The following KCNMB2 variants were observed in gnomAD, a reference collection of about 807,000 sequenced individuals.
KCNMB2 encodes calcium-activated potassium channel subunit beta-2.
Under a neutral mutation model 24.5 loss-of-function variants are expected in KCNMB2, and 9 were observed. That is an observed-to-expected ratio of 0.37 (90% CI 0.22 to 0.64). The LOEUF is 0.64. Ranked by LOEUF, KCNMB2 falls within the 30% of genes least tolerant of loss-of-function variation. The probability of loss-of-function intolerance (pLI) is 0.63; values close to 1 mark genes in which losing one functional copy is unlikely to be tolerated. For synonymous variants in KCNMB2, 109 were observed against 104.4 expected (o/e 1.04, Z -0.27); for missense variants, 226 against 284.3 (o/e 0.79, Z 1.47).
intron 3 of KCNMB2, among the ~76,000 whole-genome samples, chr3:178,827,394 T>A (rs759145057): frequency 1.3e-5 from 2 of 152,170 alleles, no homozygotes; most frequent in Non-Finnish European, 2.9e-5. Context: ...AGCCTGGGCC[T>A]TAGAGAATTA....
intron 2 of KCNMB2, among the ~76,000 whole-genome samples, chr3:178,821,369 G>GCACCCTGTAAT (rs933842973): frequency 1.3e-5 from 2 of 152,118 alleles, no homozygotes; most frequent in African/African-American, 2.4e-5. Flanking sequence ...GCCAACTAAT[G>GCACCCTGTAAT]CACCCTGTCT....
chr3:178,598,348 G>A (rs1021830452), intron 1 of KCNMB2, among the ~76,000 whole-genome samples: 2 of 152,076 alleles, frequency 1.3e-5, no homozygotes, highest in African/African-American at 2.4e-5. Context: ...TAGAGAATAC[G>A]AATTGTTATA....
chr3:178,834,311 TA>T, intron 4 of KCNMB2, among the ~76,000 whole-genome samples: 1 of 152,326 alleles, frequency 6.6e-6, no homozygotes, highest in Middle Eastern at 3.4e-3. Context: ...ATTCACTAAC[TA>T]ATTATGTCTG....
intron 1 of KCNMB2, among the ~76,000 whole-genome samples, chr3:178,761,731 G>T (rs1311384005): frequency 6.6e-6 from 1 of 152,140 alleles, no homozygotes; most frequent in Non-Finnish European, 1.5e-5. Flanking sequence ...TGGGAGCTAT[G>T]CCAAGCACTG....
chr3:178,835,504 C>A (rs565004339), intron 4 of KCNMB2, among the ~76,000 whole-genome samples: 1 of 151,710 alleles, frequency 6.6e-6, no homozygotes, highest in East Asian at 1.9e-4. Context: ...TTTGTGAATC[C>A]AAGGCTACCA....
chr3:178,639,713 G>A (rs1195138907), intron 1 of KCNMB2, among the ~76,000 whole-genome samples: 3 of 152,168 alleles, frequency 2.0e-5, no homozygotes, highest in African/African-American at 7.2e-5. Flanking sequence ...CTCTCTGTGA[G>A]TTATCACTCA....
intron 1 of KCNMB2, among the ~76,000 whole-genome samples, chr3:178,727,131 T>C (rs890784110): frequency 6.6e-6 from 1 of 152,138 alleles, no homozygotes; most frequent in Non-Finnish European, 1.5e-5. Context: ...AATAGCCATA[T>C]ACCCTTTTGA....
intron 1 of KCNMB2, among the ~76,000 whole-genome samples, chr3:178,610,287 T>C (rs1306341913): frequency 1.3e-5 from 2 of 152,174 alleles, no homozygotes; most frequent in Non-Finnish European, 1.5e-5. Flanking sequence ...TTAGCATAGT[T>C]TTTTCTAATT....
intron 1 of KCNMB2, among the ~76,000 whole-genome samples, chr3:178,767,316 T>C (rs950898110): frequency 2.0e-5 from 3 of 152,130 alleles, no homozygotes; most frequent in African/African-American, 7.2e-5. Context: ...ACACAAATGG[T>C]CTGAATGTTT....
chr3:178,743,672 G>A (rs1723567174), intron 1 of KCNMB2, among the ~76,000 whole-genome samples: 1 of 152,130 alleles, frequency 6.6e-6, no homozygotes, highest in Non-Finnish European at 1.5e-5. Flanking sequence ...ATAGCAAACT[G>A]TTTCAGCTGC....
chr3:178,756,224 A>ATGTGGG (rs1352595684), intron 1 of KCNMB2, among the ~76,000 whole-genome samples: 18 of 151,672 alleles, frequency 1.2e-4, no homozygotes, highest in Non-Finnish European at 2.1e-4. Context: ...GTGTATATAT[A>ATGTGGG]TGTGGGTGTG....
chr3:178,553,770 C>A (rs1716036152), intron 1 of KCNMB2, among the ~76,000 whole-genome samples: 2 of 152,072 alleles, frequency 1.3e-5, no homozygotes, highest in African/African-American at 2.4e-5. Flanking sequence ...AAACTCCCAA[C>A]CTCAAGGGAT....
intron 1 of KCNMB2, among the ~76,000 whole-genome samples, chr3:178,706,356 A>C (rs181068679): frequency 9.2e-5 from 14 of 152,188 alleles, no homozygotes; most frequent in African/African-American, 3.4e-4. Flanking sequence ...AACAGCTGAC[A>C]TTCCTTTTTG....
intron 1 of KCNMB2, among the ~76,000 whole-genome samples, chr3:178,719,307 T>C (rs188044481): frequency 2.0e-4 from 30 of 152,374 alleles, no homozygotes; most frequent in Middle Eastern, 6.8e-3. Flanking sequence ...GGGAGTTGAA[T>C]GATCTTTGAA....
intron 1 of KCNMB2, among the ~76,000 whole-genome samples, chr3:178,700,751 C>G (rs1722060969): frequency 6.7e-6 from 1 of 148,798 alleles, no homozygotes; most frequent in South Asian, 2.1e-4. Flanking sequence ...TCACCAATAT[C>G]TTTTTGATGA....
Position 178,669,925 on chromosome 3 carries a change from C to T in KCNMB2, c.-68+133214C>T, listed in dbSNP as rs575943273. 5.9e-5 allele frequency among the ~76,000 whole-genome samples: 9 copies of T among 152,066 alleles called. No individual in the cohort carries two copies. The East Asian group carries it at 9.7e-4, about 16-fold the overall frequency. On this transcript the variant is annotated intron_variant, in intron 1 of 4. Coordinates refer to ENST00000452583, the MANE Select transcript of KCNMB2 (RefSeq NM_181361.3). ...AACCACAGAGATAAGAGAAAGCAAG[C>T]AGGAAGTGGATATACAGCCAAGAAA...
At chr3:178,734,398 C>T (rs1277122107) in intron 1 of KCNMB2, among the ~76,000 whole-genome samples, 1 of 152,122 alleles carries the variant, frequency 6.6e-6, no homozygotes, top group Non-Finnish European at 1.5e-5. Context: ...CTTCCTCAGT[C>T]TCCCTTCACT....
intron 1 of KCNMB2, among the ~76,000 whole-genome samples, chr3:178,720,595 C>A (rs1334472121): frequency 1.6e-5 from 2 of 128,356 alleles, no homozygotes; most frequent in African/African-American, 6.4e-5. Flanking sequence ...ACAGTCCCAC[C>A]AACAGTGTAA....
intron 1 of KCNMB2, among the ~76,000 whole-genome samples, chr3:178,548,626 C>T (rs1042894788): frequency 2.0e-5 from 3 of 152,172 alleles, no homozygotes; most frequent in Non-Finnish European, 2.9e-5. Context: ...CTCCCAAAAT[C>T]TACCAATTCT....
Sources: gnomAD v4.1 joint callset for allele counts (sites outside exome capture counted in the v4.1 genomes callset) on GRCh38, gnomAD v4.1.1 for gene constraint, MANE v1.5 for transcripts, NCBI Gene and HGNC (gene_info 2026-07-23, HGNC 2026-07-21) for gene names.